The following AGBL4 variants were observed in gnomAD, a reference collection of about 807,000 sequenced individuals.
AGBL4 encodes the protein AGBL carboxypeptidase 4, also known as cytosolic carboxypeptidase 6.
Under a neutral mutation model 66.4 loss-of-function variants are expected in AGBL4, and 58 were observed. The ratio of observed to expected loss-of-function variants is 0.87; its 90% CI spans 0.71 to 1.09. AGBL4 has a LOEUF of 1.09. Ranked by LOEUF, AGBL4 falls within the 50% of genes least tolerant of loss-of-function variation. The pLI is 0.00. For missense variants in AGBL4, 579 were observed against 631.0 expected (o/e 0.92, Z 0.88); for synonymous variants, 234 against 222.9 (o/e 1.05, Z -0.44).
At chr1:49,299,308 T>C (rs921246213) in intron 3 of AGBL4, among the ~76,000 whole-genome samples, 1 of 152,196 alleles carries the variant, frequency 6.6e-6, no homozygotes, top group Non-Finnish European at 1.5e-5. Flanking sequence ...TTTAATAACA[T>C]GCCTAAGGTA....
intron 11 of AGBL4, among the ~76,000 whole-genome samples, chr1:48,551,585 TGA>T (rs538470228): frequency 1.3e-5 from 2 of 151,610 alleles, no homozygotes; most frequent in Non-Finnish European, 2.9e-5. Context: ...CAAATCAAGA[TGA>T]GAGAGAGAGA....
At chr1:49,907,490 C>T (rs1478541196) in intron 1 of AGBL4, among the ~76,000 whole-genome samples, 3 of 152,096 alleles carry the variant, frequency 2.0e-5, no homozygotes, top group Non-Finnish European at 4.4e-5. Flanking sequence ...CATTAAATTT[C>T]ATTAAATGCC....
chr1:49,330,612 A>G (rs1645312874), intron 3 of AGBL4, among the ~76,000 whole-genome samples: 1 of 152,234 alleles, frequency 6.6e-6, no homozygotes, highest in South Asian at 2.1e-4. Flanking sequence ...AAGGCAGGTC[A>G]ATATTATGAT....
rs970933114 is a variant in AGBL4 at position 49,845,623 on chromosome 1, C to T, written c.157+5773G>A. On this transcript the variant is annotated intron_variant, in intron 2 of 13. Transcript: ENST00000371839. ...AAAAGCCTTCACCCAGATCACACCA[C>T]TGATTCAGCACCAGAGGACCCACAC... 6.8e-6 allele frequency: 11 copies of T among 1,607,896 alleles called. No individual in the cohort carries two copies. In the African/African-American group the frequency reaches 1.3e-4, roughly 20 times the overall value.
chr1:49,786,784 A>G (rs1272296587), intron 2 of AGBL4, among the ~76,000 whole-genome samples: 4 of 152,204 alleles, frequency 2.6e-5, no homozygotes, highest in African/African-American at 9.6e-5. Context: ...TACTATAGGT[A>G]TCAAGAAAAA....
intron 2 of AGBL4, among the ~76,000 whole-genome samples, chr1:49,822,917 T>A (rs1645407098): frequency 6.6e-6 from 1 of 152,172 alleles, no homozygotes; most frequent in African/African-American, 2.4e-5. Context: ...TTCTCATTAA[T>A]GGATTATAAG....
intron 1 of AGBL4, among the ~76,000 whole-genome samples, chr1:49,945,487 C>T (rs924526260): frequency 6.6e-6 from 1 of 151,896 alleles, no homozygotes; most frequent in African/African-American, 2.4e-5. Flanking sequence ...ATGAAGGAAA[C>T]ACATGTCTTT....
At chr1:49,016,519 A>G (rs897444341) in intron 5 of AGBL4, among the ~76,000 whole-genome samples, 3 of 152,156 alleles carry the variant, frequency 2.0e-5, no homozygotes, top group African/African-American at 7.2e-5. Flanking sequence ...TTGACATTGT[A>G]AGAGGAAGAA....
chr1:49,440,350 G>A (rs552170275), intron 3 of AGBL4, among the ~76,000 whole-genome samples: 1 of 152,298 alleles, frequency 6.6e-6, no homozygotes, highest in Admixed American at 6.5e-5. Context: ...TTACAGGCGT[G>A]AGCCACTGCG....
intron 5 of AGBL4, among the ~76,000 whole-genome samples, chr1:48,942,247 C>T (rs548847237): frequency 6.6e-6 from 1 of 151,984 alleles, no homozygotes; most frequent in Non-Finnish European, 1.5e-5. Flanking sequence ...CTGAAGGACT[C>T]TCTGCAGAAA....
chr1:49,673,247 C>A lies in AGBL4; in HGVS notation c.282+24066G>T, dbSNP rs189257151. 5.7e-3 allele frequency among the ~76,000 whole-genome samples: 873 copies of A among 152,218 alleles called. 6 individuals carry two copies. The highest frequency in any genetic ancestry group is 8.7e-3 in the Non-Finnish European group (589 of 67,998). The stretch of plus-strand genomic sequence containing the variant: ...TTCAAAAATCAATAAATTTCTTATT[C>A]TTTCCAAATCTTAATTATTGTAAAC... On this transcript the variant is annotated intron_variant, in intron 3 of 13. Transcript: ENST00000371839.
At chr1:49,326,002 G>C (rs1190690190) in intron 3 of AGBL4, among the ~76,000 whole-genome samples, 5 of 152,154 alleles carry the variant, frequency 3.3e-5, no homozygotes, top group Admixed American at 6.5e-5. Context: ...ACAACATGCA[G>C]AACCGTGAGC....
chr1:48,822,342 A>T (rs993331369), intron 6 of AGBL4, among the ~76,000 whole-genome samples: 1 of 152,246 alleles, frequency 6.6e-6, no homozygotes, highest in Non-Finnish European at 1.5e-5. Context: ...GCTAAAGAAG[A>T]CTAAAAAGGA....
chr1:49,359,176 C>T (rs1644084985), intron 3 of AGBL4, among the ~76,000 whole-genome samples: 1 of 152,078 alleles, frequency 6.6e-6, no homozygotes, highest in African/African-American at 2.4e-5. Context: ...TTGAATTACA[C>T]TGGAATGGGT....
chr1:48,740,202 C>T (rs768648898), intron 6 of AGBL4, among the ~76,000 whole-genome samples: 1 of 152,124 alleles, frequency 6.6e-6, no homozygotes, highest in African/African-American at 2.4e-5. Flanking sequence ...AGGTATAGGC[C>T]GGGGCATTTG....
At chr1:49,163,079 A>G (rs554745794) in intron 4 of AGBL4, among the ~76,000 whole-genome samples, 4 of 152,264 alleles carry the variant, frequency 2.6e-5, no homozygotes, top group African/African-American at 9.6e-5. Context: ...CTCTTCAGCA[A>G]TTGGTAAATA....
intron 4 of AGBL4, among the ~76,000 whole-genome samples, chr1:49,115,574 T>C (rs1392750087): frequency 6.6e-6 from 1 of 151,986 alleles, no homozygotes; most frequent in East Asian, 1.9e-4. Flanking sequence ...TACATATGCA[T>C]GTGTGTGTTT....
chr1:49,995,270 G>A (rs1268360936), intron 1 of AGBL4: 2 of 455,020 alleles, frequency 4.4e-6, no homozygotes, highest in Non-Finnish European at 8.8e-6. Context: ...TTTCAGCCCT[G>A]CTCACCGGCT....
intron 1 of AGBL4, among the ~76,000 whole-genome samples, chr1:50,022,614 C>CCACACACACA (rs10588611): frequency 8.5e-5 from 12 of 141,204 alleles, no homozygotes; most frequent in African/African-American, 2.4e-4. Context: ...TGTACCATAA[C>CCACACACACA]CACACACACA....
Sources: allele counts gnomAD v4.1 joint callset (sites outside exome capture counted in the v4.1 genomes callset), GRCh38; gene constraint gnomAD v4.1.1; transcripts MANE v1.5; gene names NCBI Gene and HGNC (gene_info 2026-07-23, HGNC 2026-07-21).